PCDHGB2: variants seen among roughly 807,000 people sequenced by gnomAD.
The protein encoded by PCDHGB2 is protocadherin gamma-B2.
Under a neutral mutation model 59.3 loss-of-function variants are expected in PCDHGB2, and 55 were observed. The ratio of observed to expected loss-of-function variants is 0.93; its 90% CI spans 0.75 to 1.16. The LOEUF (loss-of-function observed/expected upper bound fraction) is 1.16, where lower values mean the gene tolerates loss of function less well. Ranked by LOEUF, PCDHGB2 falls within the 50% of genes most tolerant of loss-of-function variation. The pLI is 0.00. For missense variants in PCDHGB2, 1,228 were observed against 1,198.5 expected, an observed-to-expected ratio of 1.02 and a Z score of -0.36; for synonymous variants, 516 against 512.0, an observed-to-expected ratio of 1.01 and a Z score of -0.11.
chr5:141,402,209 T>A (rs2094239307), intron 1 of PCDHGB2, among the ~76,000 whole-genome samples: 1 of 152,084 alleles, frequency 6.6e-6, no homozygotes, highest in Non-Finnish European at 1.5e-5. Context: ...AATACAAAAA[T>A]TTAAAATAAA....
At chr5:141,383,577 C>T in intron 1 of PCDHGB2, 1 of 1,613,420 alleles carries the variant, frequency 6.2e-7, no homozygotes, top group Non-Finnish European at 8.5e-7. Context: ...CCAGCACCGC[C>T]CACATCCAGG....
At chr5:141,475,979 C>A in intron 1 of PCDHGB2, 1 of 1,020,182 alleles carries the variant, frequency 9.8e-7, no homozygotes, top group Non-Finnish European at 1.4e-6. Flanking sequence ...GACTGAACAG[C>A]CGGCGAGCAA....
At position 141,486,735 on chromosome 5, in the gene PCDHGB2, G is replaced by T; in HGVS notation, c.2422-8072G>T. 6.2e-7 allele frequency: 1 copy of T among 1,614,176 alleles called. No individual in the cohort carries two copies. The highest frequency in any genetic ancestry group is 1.1e-5 in the South Asian group (1 of 91,086). On this transcript the variant is annotated intron_variant, in intron 1 of 3. Coordinates refer to ENST00000522605, the MANE Select transcript of PCDHGB2 (RefSeq NM_018923.3). The surrounding 1 kb of genome is among the most constrained non-coding windows in gnomAD (Gnocchi z 5.0). Reference sequence around the variant, plus strand: ...CAGACAGGAGCTGTTCATGCTACTCGATCCTTTGACTATGAGCAAACCCAG... The same window carrying T: ...CAGACAGGAGCTGTTCATGCTACTCTATCCTTTGACTATGAGCAAACCCAG...
chr5:141,410,158 G>T (rs755466762), intron 1 of PCDHGB2: 2 of 1,613,516 alleles, frequency 1.2e-6, no homozygotes, highest in Non-Finnish European at 8.5e-7. Context: ...GTGGACAGCC[G>T]CCACTCTCTG....
At position 141,432,172 on chromosome 5, in the gene PCDHGB2, C is replaced by A. The variant is rs562175068; in HGVS notation, c.2422-62635C>A. ...AGAACAATCCCAGAGGAGTTTCCCT[C>A]GTCTCTGTGACCGCCCACGACCCCG... On this transcript the variant is annotated intron_variant, in intron 1 of 3. Coordinates refer to ENST00000522605, the MANE Select transcript of PCDHGB2 (RefSeq NM_018923.3). This position sits in a 1 kb window ranked among gnomAD's most constrained non-coding sequence, Gnocchi z 6.0. 5 of 1,614,152 alleles carry A rather than the reference C, an allele frequency of 3.1e-6. No homozygotes were observed. The South Asian group carries it at 4.4e-5, about 14-fold the overall frequency.
rs546494803 is a variant in PCDHGB2 at position 141,425,207 on chromosome 5, G to C, written c.2421+62651G>C. Among the ~76,000 whole-genome samples, 7 of 152,120 alleles carry C rather than the reference G, an allele frequency of 4.6e-5. No homozygotes were observed. In the East Asian group the frequency reaches 1.2e-3, roughly 25 times the overall value. ...TCCAAACTGAGAAAAATGATGTAAG[G>C]CATTGTACTTTGACTGGAATTAGTT... On this transcript the variant is annotated intron_variant, in intron 1 of 3. Transcript: ENST00000522605.
chr5:141,507,816 TG>T (rs1478957063), intron 3 of PCDHGB2, among the ~76,000 whole-genome samples: 1 of 152,130 alleles, frequency 6.6e-6, no homozygotes, highest in African/African-American at 2.4e-5. Flanking sequence ...GAACGGACCC[TG>T]GGGGTGGAGG....
chr5:141,366,097 C>A lies in PCDHGB2; in HGVS notation c.2421+3541C>A, dbSNP rs757003836. 4.3e-6 allele frequency: 7 copies of A among 1,614,240 alleles called. No homozygotes were observed. The Admixed American group carries it at 5.0e-5, about 12-fold the overall frequency. On this transcript the variant is annotated intron_variant, in intron 1 of 3. Coordinates refer to ENST00000522605, the MANE Select transcript of PCDHGB2 (RefSeq NM_018923.3). ...CCGCAGAACCTGGCTACCTGGTGAC[C>A]AAGGTGGTAGCGGTGGACAAAGATT...
intron 1 of PCDHGB2, among the ~76,000 whole-genome samples, chr5:141,447,761 T>C (rs2098551051): frequency 1.3e-5 from 2 of 152,186 alleles, no homozygotes; most frequent in African/African-American, 4.8e-5. Context: ...TGACTGTATA[T>C]AAATTATACT....
chr5:141,402,842 A>G, intron 1 of PCDHGB2: 1 of 1,396,816 alleles, frequency 7.2e-7, no homozygotes, highest in Non-Finnish European at 9.4e-7. Flanking sequence ...AGCAAAACTC[A>G]GCCTCTTTCT....
Position 141,491,992 on chromosome 5 carries a change from T to G in PCDHGB2, c.2422-2815T>G. ...GGCCTCCTTCGAGCTTCCGGTGAAT[T>G]TCGGGCGATTTCCGCGGGTGTCGGG... On this transcript the variant is annotated intron_variant, in intron 1 of 3. Transcript: ENST00000522605. This position sits in a 1 kb window ranked among gnomAD's most constrained non-coding sequence, Gnocchi z 6.9. The G allele has an allele frequency of 1.5e-6, 1 of 684,982 alleles. No homozygotes were observed. The highest frequency in any genetic ancestry group is 2.3e-6 in the Non-Finnish European group (1 of 443,370). The allele number at this position is 684,982 out of a possible 1,614,324, so 42.4% of individuals were successfully genotyped here.
Position 141,477,626 on chromosome 5 carries a change from G to C in PCDHGB2, c.2422-17181G>C. The C allele has an allele frequency of 1.2e-6, 2 of 1,614,170 alleles. No homozygotes were observed. Among genetic ancestry groups the C allele is most frequent in the Non-Finnish European group, 1.7e-6 (2 of 1,180,036 alleles). ...TCTCTTGGAGCAAGGAGCTGAAACCGGGCTAGTGGGTCGCTATTTCACAAT... is the reference window on the plus strand; with the variant it reads ...TCTCTTGGAGCAAGGAGCTGAAACCCGGCTAGTGGGTCGCTATTTCACAAT... On this transcript the variant is annotated intron_variant, in intron 1 of 3. Transcript: ENST00000522605. The surrounding 1 kb of genome is among the most constrained non-coding windows in gnomAD (Gnocchi z 4.9).
chr5:141,383,633 C>T (rs1298423457), intron 1 of PCDHGB2: 1 of 1,613,966 alleles, frequency 6.2e-7, no homozygotes. Context: ...TTCTCTCTGC[C>T]TCAGTACCAA....
chr5:141,420,186 C>A, intron 1 of PCDHGB2: 1 of 1,613,696 alleles, frequency 6.2e-7, no homozygotes, highest in Non-Finnish European at 8.5e-7. Context: ...CATTGTCCAG[C>A]CACACAAGAT....
Position 141,485,754 on chromosome 5 carries a change from T to A in PCDHGB2, c.2422-9053T>A, listed in dbSNP as rs770807249. ...AGCGACGGCAGCCTGGTCCCAGAGC[T>A]GCTCCTGGAGAAGCCTTTGGATCGA... On this transcript the variant is annotated intron_variant, in intron 1 of 3. Transcript: ENST00000522605. This position sits in a 1 kb window ranked among gnomAD's most constrained non-coding sequence, Gnocchi z 5.7. 1 of 1,614,236 alleles carries A rather than the reference T, an allele frequency of 6.2e-7. No individual in the cohort carries two copies. The highest frequency in any genetic ancestry group is 8.5e-7 in the Non-Finnish European group (1 of 1,180,044).
Position 141,360,871 on chromosome 5 carries a change from G to A in PCDHGB2, c.736G>A (p.Val246Met). The A allele has an allele frequency of 1.2e-6, 2 of 1,614,042 alleles. No individual in the cohort carries two copies. Among genetic ancestry groups the A allele is most frequent in the Non-Finnish European group, 1.7e-6 (2 of 1,179,898 alleles). The stretch of plus-strand genomic sequence containing the variant: ...TAACCCTCCAGTGTTCAGCCAGGAC[G>A]TGTACAGGGTCACCCTGAGGGAGGA... Reference protein sequence around the residue: ...NDNPPVFSQDVYRVTLREDVP... With the variant: ...NDNPPVFSQDMYRVTLREDVP... The change falls in exon 1 of 4, where the codon GTG (valine) becomes ATG (methionine). Residue 246 changes from valine to methionine, a missense_variant. By Grantham distance (21) the Val-to-Met change is conservative. Coordinates refer to ENST00000522605, the MANE Select transcript of PCDHGB2 (RefSeq NM_018923.3).
chr5:141,415,536 G>A (rs1561758201), intron 1 of PCDHGB2: 1 of 1,614,150 alleles, frequency 6.2e-7, no homozygotes, highest in Non-Finnish European at 8.5e-7. Flanking sequence ...TCAGCCAGGA[G>A]AGCTGTGAGA....
chr5:141,453,111 G>A (rs1040339344), intron 1 of PCDHGB2, among the ~76,000 whole-genome samples: 5 of 151,718 alleles, frequency 3.3e-5, no homozygotes, highest in Non-Finnish European at 5.9e-5. Flanking sequence ...TTTTTGTTTT[G>A]TTTTGTTTTG....
In PCDHGB2 at chr5:141,509,418, A is replaced by G. The variant is rs767758113; in HGVS notation, c.2570-1529A>G. Among the ~76,000 whole-genome samples the G allele has an allele frequency of 2.6e-5, 4 of 152,188 alleles. No individual in the cohort carries two copies. The South Asian group carries it at 6.2e-4, about 24-fold the overall frequency. ...TCAGGGCCTCCAGCAGCGAGCCCCA[A>G]TGAGTCAAACTCTTGTTTCCTCCTC... On this transcript the variant is annotated intron_variant, in intron 3 of 3. Transcript: ENST00000522605.
Sources: allele counts gnomAD v4.1 joint callset (sites outside exome capture counted in the v4.1 genomes callset), GRCh38; gene constraint gnomAD v4.1.1; non-coding constraint Gnocchi (gnomAD v3.1); transcripts MANE v1.5; gene names NCBI Gene and HGNC (gene_info 2026-07-23, HGNC 2026-07-21).